DNAJC5B: variants seen among roughly 807,000 people sequenced by gnomAD.
DNAJC5B encodes the protein dnaJ homolog subfamily C member 5B.
DNAJC5B carries 23 observed loss-of-function variants against 24.7 expected under a neutral mutation model. The observed-to-expected ratio is 0.93, with a 90% CI of 0.67 to 1.32. The LOEUF (loss-of-function observed/expected upper bound fraction) is 1.32. Among genes scored for constraint, DNAJC5B ranks in the 40% most tolerant of loss-of-function variants. The probability of loss-of-function intolerance (pLI) is 0.00; values close to 1 mark genes in which losing one functional copy is unlikely to be tolerated. For synonymous variants in DNAJC5B, 101 were observed against 90.1 expected (o/e 1.12, Z -0.68); for missense variants, 238 against 240.8 (o/e 0.99, Z 0.08).
chr8:66,050,149 G>C (rs573277377), intron 2 of DNAJC5B, among the ~76,000 whole-genome samples: 6 of 152,304 alleles, frequency 3.9e-5, no homozygotes, highest in Admixed American at 1.3e-4. Flanking sequence ...CTTAAAGGCA[G>C]AGTAGGTGCA....
In DNAJC5B at chr8:66,100,032, T is replaced by A; in HGVS notation, c.*1T>A. 3.1e-6 allele frequency: 5 copies of A among 1,613,516 alleles called. No homozygotes were observed. Among genetic ancestry groups the A allele is most frequent in the Non-Finnish European group, 4.2e-6 (5 of 1,179,626 alleles). On this transcript the variant is annotated 3_prime_UTR_variant, in exon 6 of 6. Transcript: ENST00000276570. ...TCGAAGTTATTGCACAGACTCTTGA[T>A]ATTGAGCCCTCAGAGAGTCCACAGT...
At position 66,047,938 on chromosome 8, in the gene DNAJC5B, G is replaced by A. The variant is rs190621946; in HGVS notation, c.-17-3593G>A. On this transcript the variant is annotated intron_variant, in intron 2 of 5. Coordinates refer to ENST00000276570, the MANE Select transcript of DNAJC5B (RefSeq NM_033105.6). ...CTCACCTGTACAAATACAGGGCCCC[G>A]CCTCCTGCAGAATCCTCCCAAAGAT... Among the ~76,000 whole-genome samples, 7 of 152,206 alleles carry A rather than the reference G, an allele frequency of 4.6e-5. No individual in the cohort carries two copies. In the East Asian group the frequency reaches 5.8e-4, roughly 13 times the overall value.
chr8:66,095,077 T>C (rs1807920816), intron 5 of DNAJC5B, among the ~76,000 whole-genome samples: 1 of 152,106 alleles, frequency 6.6e-6, no homozygotes, highest in Non-Finnish European at 1.5e-5. Context: ...TCTCAAACTT[T>C]CCTTACTGTA....
intron 1 of DNAJC5B, among the ~76,000 whole-genome samples, chr8:66,031,908 C>G (rs1160994291): frequency 2.0e-5 from 3 of 152,214 alleles, no homozygotes; most frequent in African/African-American, 7.2e-5. Flanking sequence ...ACTCTGCAGC[C>G]TAGTCAAGTT....
chr8:66,023,052 CG>C (rs1361797340), intron 1 of DNAJC5B, among the ~76,000 whole-genome samples: 9 of 152,176 alleles, frequency 5.9e-5, no homozygotes, highest in Admixed American at 2.0e-4. Flanking sequence ...TGCAGCCTGT[CG>C]CATACTGCAG....
At chr8:66,019,548 A>C (rs1806054362), upstream of DNAJC5B, among the ~76,000 whole-genome samples, 1 of 152,184 alleles carries the variant, frequency 6.6e-6, no homozygotes, top group Non-Finnish European at 1.5e-5. Flanking sequence ...TTTTATTGTC[A>C]TCTGACATTT....
At chr8:66,041,168 T>C (rs1806600283) in intron 1 of DNAJC5B, among the ~76,000 whole-genome samples, 1 of 152,244 alleles carries the variant, frequency 6.6e-6, no homozygotes, top group Admixed American at 6.5e-5. Flanking sequence ...TTGAGTTTCA[T>C]ATATTGCATA....
At chr8:66,049,058 T>C (rs1806788905) in intron 2 of DNAJC5B, among the ~76,000 whole-genome samples, 1 of 152,262 alleles carries the variant, frequency 6.6e-6, no homozygotes, top group South Asian at 2.1e-4. Flanking sequence ...CCCATATTAG[T>C]CTGCAACCTC....
chr8:66,037,528 A>G (rs567041952), intron 1 of DNAJC5B, among the ~76,000 whole-genome samples: 1 of 152,272 alleles, frequency 6.6e-6, no homozygotes, highest in Admixed American at 6.5e-5. Flanking sequence ...CTGGGCCCCA[A>G]GAGGGTGTGT....
intron 5 of DNAJC5B, among the ~76,000 whole-genome samples, chr8:66,099,036 TCACA>T (rs34531773): frequency 3.8e-4 from 56 of 146,214 alleles, no homozygotes; most frequent in East Asian, 2.6e-3. Context: ...TCTCTCTCTG[TCACA>T]CACACACACA....
At chr8:66,088,799 C>T (rs1476077558) in intron 5 of DNAJC5B, among the ~76,000 whole-genome samples, 2 of 152,086 alleles carry the variant, frequency 1.3e-5, no homozygotes, top group East Asian at 1.9e-4. Context: ...CCGTCTGAGA[C>T]CACCTCAGCC....
At position 66,074,483 on chromosome 8, in the gene DNAJC5B, G is replaced by C. The variant is rs62507396; in HGVS notation, c.120-2177G>C. Reference sequence around the variant, plus strand: ...GAAAGCTGTCATTAGATTTTGAAGTGGAAATTAGAGGCATTGAATGCTATT... The same window carrying C: ...GAAAGCTGTCATTAGATTTTGAAGTCGAAATTAGAGGCATTGAATGCTATT... On this transcript the variant is annotated intron_variant, in intron 3 of 5. Coordinates refer to ENST00000276570, the MANE Select transcript of DNAJC5B (RefSeq NM_033105.6). 4.8e-3 allele frequency among the ~76,000 whole-genome samples: 730 copies of C among 152,296 alleles called. 6 individuals carry two copies. The highest frequency in any genetic ancestry group is 7.8e-3 in the Non-Finnish European group (528 of 68,040).
chr8:66,041,682 TG>T (rs1201717880), intron 1 of DNAJC5B, among the ~76,000 whole-genome samples: 1 of 152,256 alleles, frequency 6.6e-6, no homozygotes, highest in Non-Finnish European at 1.5e-5. Context: ...ATACATTTAG[TG>T]CATTTTGAAT....
In DNAJC5B at chr8:66,051,512, G is replaced by A. The variant is rs201092999; in HGVS notation, c.-17-19G>A. 2.2e-5 allele frequency: 32 copies of A among 1,471,892 alleles called. No homozygotes were observed. The East Asian group carries it at 7.0e-4, about 32-fold the overall frequency. 91.2% of individuals were successfully genotyped at this position (1,471,892 alleles called of 1,614,324 possible). A position where few individuals can be genotyped will look rare whatever the true frequency, so the allele number is the denominator to read the frequency against. ...GGAAGTAGTGTGCATAACCTTCATG[G>A]CTATTTTCTCCCCTTTAGTTTTGCA... On this transcript the variant is annotated intron_variant, in intron 2 of 5. Transcript: ENST00000276570.
At chr8:66,086,073 T>A (rs773024801) in intron 5 of DNAJC5B, among the ~76,000 whole-genome samples, 9 of 152,194 alleles carry the variant, frequency 5.9e-5, no homozygotes, top group Non-Finnish European at 1.0e-4. Flanking sequence ...TGGCATTGGT[T>A]TTAATTTTGC....
chr8:66,095,754 A>G (rs756998283), intron 5 of DNAJC5B, among the ~76,000 whole-genome samples: 2 of 150,974 alleles, frequency 1.3e-5, no homozygotes, highest in South Asian at 2.1e-4. Flanking sequence ...GATTTCTATT[A>G]TGATTTTTTC....
chr8:66,081,824 T>A (rs1046493433), intron 5 of DNAJC5B, among the ~76,000 whole-genome samples: 1 of 152,100 alleles, frequency 6.6e-6, no homozygotes, highest in Non-Finnish European at 1.5e-5. Flanking sequence ...TTCTGACCAT[T>A]TTTTATTACT....
At chr8:66,049,589 C>G (rs1806801224) in intron 2 of DNAJC5B, among the ~76,000 whole-genome samples, 1 of 152,176 alleles carries the variant, frequency 6.6e-6, no homozygotes, top group South Asian at 2.1e-4. Context: ...TGTAAATACA[C>G]TCTGTGATGT....
intron 3 of DNAJC5B, among the ~76,000 whole-genome samples, chr8:66,061,575 T>A (rs906493813): frequency 6.7e-6 from 1 of 150,026 alleles, no homozygotes; most frequent in African/African-American, 2.5e-5. Flanking sequence ...AGTATGTGAA[T>A]GAGAAAGAAT....
Sources: gnomAD v4.1 joint callset for allele counts (sites outside exome capture counted in the v4.1 genomes callset) on GRCh38, gnomAD v4.1.1 for gene constraint, MANE v1.5 for transcripts, NCBI Gene and HGNC (gene_info 2026-07-23, HGNC 2026-07-21) for gene names.